The following GPRC5B variants were observed in gnomAD, a reference collection of about 807,000 sequenced individuals.
GPRC5B encodes the protein G protein-coupled receptor family C group 5 member B.
GPRC5B carries 16 observed loss-of-function variants against 30.1 expected under a neutral mutation model. The ratio of observed to expected loss-of-function variants is 0.53; its 90% confidence interval spans 0.36 to 0.81. The LOEUF is 0.81. Among genes scored for constraint, GPRC5B ranks in the 30% least tolerant of loss-of-function variants. The pLI is 0.01. For missense variants in GPRC5B, 428 were observed against 544.7 expected (o/e 0.79, Z 2.13); for synonymous variants, 241 against 239.5 (o/e 1.01, Z -0.06).
At chr16:19,880,410 A>C (rs1490364343) in intron 1 of GPRC5B, among the ~76,000 whole-genome samples, 1 of 127,258 alleles carries the variant, frequency 7.9e-6, no homozygotes, top group African/African-American at 2.7e-5. Flanking sequence ...GCAACATAGC[A>C]AGACTCTGTC....
upstream of GPRC5B, chr16:19,885,360 C>T: frequency 8.3e-7 from 1 of 1,197,978 alleles, no homozygotes. The surrounding 1 kb of genome is among the most constrained non-coding windows in gnomAD (Gnocchi z 5.3). Context: ...CTCTCGAAGT[C>T]ACCAACGCCC....
chr16:19,885,420 T>G (rs2056842619), upstream of GPRC5B: 3 of 1,157,402 alleles, frequency 2.6e-6, no homozygotes, highest in Non-Finnish European at 3.3e-6. The surrounding 1 kb of genome is among the most constrained non-coding windows in gnomAD (Gnocchi z 5.3). Flanking sequence ...CCAGGCAGGT[T>G]CCTCCTGGAC....
rs773766558 is a variant in GPRC5B at position 19,861,890 on chromosome 16, T to C, written c.1114A>G (p.Arg372Gly). ...SLGKRPSAPF[R>G]SNVYQPTEMA... ...TCAGTTGGCTGATACACGTTGCTTC[T>C]AAACGGAGCGCTGGGTCTTTTCCCC... Residue 372 changes from arginine to glycine, a missense_variant, in exon 3 of 4, where the codon AGA (arginine) becomes GGA (glycine). Arg to Gly is a moderately radical substitution (Grantham distance 125, BLOSUM62 -2). Transcript: ENST00000300571. 1.2e-4 allele frequency: 186 copies of C among 1,613,236 alleles called. No individual in the cohort carries two copies. The highest frequency in any genetic ancestry group is 1.6e-4 in the Non-Finnish European group (184 of 1,179,480).
At chr16:19,862,165 C>T (rs1010938039) in intron 2 of GPRC5B, 192 bp from the exon 3 acceptor site, 13 of 572,594 alleles carry the variant, frequency 2.3e-5, no homozygotes, top group Non-Finnish European at 3.7e-5. Context: ...AGGAGCCTGA[C>T]CCATCTCAGT....
At chr16:19,885,512 G>A (rs112523676), upstream of GPRC5B, 9 of 1,125,258 alleles carry the variant, frequency 8.0e-6, no homozygotes, top group African/African-American at 1.2e-4. The surrounding 1 kb of genome is among the most constrained non-coding windows in gnomAD (Gnocchi z 5.3). Flanking sequence ...CGCTTCCTTG[G>A]CCCCTCGAAA....
intron 1 of GPRC5B, among the ~76,000 whole-genome samples, chr16:19,875,928 C>A (rs1416104972): frequency 6.6e-6 from 1 of 152,196 alleles, no homozygotes; most frequent in East Asian, 1.9e-4. Context: ...CACGAGGGAT[C>A]AAAATTTAAG....
rs780310222 is a variant in GPRC5B, at chr16:19,872,294, G to A, written c.552C>T (p.Thr184=). Residue 184 remains threonine (T), a synonymous_variant, in exon 2 of 4, where the codon ACC becomes ACT. Coordinates refer to ENST00000300571, the MANE Select transcript of GPRC5B (RefSeq NM_016235.3). The surrounding 1 kb of genome is among the most constrained non-coding windows in gnomAD (Gnocchi z 5.0). ...AGGCTGGCCTTGTGTCACGCAGCACGGTGAGCACCAGCCACTCCACAGCGA... is the reference window on the plus strand; with the variant it reads ...AGGCTGGCCTTGTGTCACGCAGCACAGTGAGCACCAGCCACTCCACAGCGA... ...VIIAVEWLVL[T]VLRDTRPACA... 3.2e-5 allele frequency: 52 copies of A among 1,613,836 alleles called. No individual in the cohort carries two copies. The highest frequency in any genetic ancestry group is 2.7e-4 in the Admixed American group (16 of 60,016).
chr16:19,882,856 A>G (rs987485914), intron 1 of GPRC5B, among the ~76,000 whole-genome samples: 1 of 151,888 alleles, frequency 6.6e-6, no homozygotes, highest in Non-Finnish European at 1.5e-5. Flanking sequence ...GCCTTTGTTC[A>G]GTTCCTCTAA....
chr16:19,881,250 G>A (rs2056805052), intron 1 of GPRC5B, among the ~76,000 whole-genome samples: 1 of 152,162 alleles, frequency 6.6e-6, no homozygotes, highest in Non-Finnish European at 1.5e-5. Context: ...TGATAGCGCT[G>A]CCTTACAAGG....
rs1033823806 is a variant in GPRC5B, at chr16:19,880,165, T to TAATAA, written c.-2+4557_-2+4561dup. Among the ~76,000 whole-genome samples, 12 of 150,590 alleles carry TAATAA rather than the reference T, an allele frequency of 8.0e-5. No individual in the cohort carries two copies. In the East Asian group the frequency reaches 9.7e-4, roughly 12 times the overall value. ...AATAATAATAAAATAAAATAAATAA[T>TAATAA]AATAAAATAAAATAAAATAAAAAAG... On this transcript the variant is annotated intron_variant, in intron 1 of 3. Transcript: ENST00000300571.
In GPRC5B at chr16:19,860,243, C is replaced by A. The variant is rs865949308; in HGVS notation, c.*257G>T. 2.2e-6 allele frequency: 1 copy of A among 462,810 alleles called. No individual in the cohort carries two copies. Among genetic ancestry groups the A allele is most frequent in the Non-Finnish European group, 3.9e-6 (1 of 256,020 alleles). The allele number at this position is 462,810 out of a possible 1,614,324, so 28.7% of individuals were successfully genotyped here. ...CTAATACTATTTGCAATTAGCTTTG[C>A]TTTAGTTTGCGGGGATTGAGGTTGG... On this transcript the variant is annotated 3_prime_UTR_variant, in exon 4 of 4. Coordinates refer to ENST00000300571, the MANE Select transcript of GPRC5B (RefSeq NM_016235.3).
At chr16:19,880,200 C>T (rs553121272) in intron 1 of GPRC5B, among the ~76,000 whole-genome samples, 5 of 151,144 alleles carry the variant, frequency 3.3e-5, no homozygotes, top group South Asian at 2.1e-4. Flanking sequence ...GATTGGCAAA[C>T]GCTCCCTTGT....
chr16:19,861,310 A>G lies in GPRC5B; in HGVS notation c.1167+527T>C, dbSNP rs938986570. Among the ~76,000 whole-genome samples, 3 of 152,200 alleles carry G rather than the reference A, an allele frequency of 2.0e-5. No individual in the cohort carries two copies. In the East Asian group the frequency reaches 5.8e-4, roughly 29 times the overall value. On this transcript the variant is annotated intron_variant, in intron 3 of 3. Transcript: ENST00000300571. Reference sequence around the variant, plus strand: ...AAGGAGGCAAACGTAAACAATGACAATTCTGCTGAAGGTCTGTTTGGCATC... The same window carrying G: ...AAGGAGGCAAACGTAAACAATGACAGTTCTGCTGAAGGTCTGTTTGGCATC...
chr16:19,883,733 G>T (rs2056826357), intron 1 of GPRC5B, among the ~76,000 whole-genome samples: 1 of 152,260 alleles, frequency 6.6e-6, no homozygotes, highest in South Asian at 2.1e-4. Flanking sequence ...CCAAGGAGCC[G>T]CCCCCTTAGC....
At position 19,858,795 on chromosome 16, in the gene GPRC5B, G is replaced by C. The variant is rs573421329; in HGVS notation, c.*1705C>G. The C allele has an allele frequency of 3.6e-4, 135 of 379,400 alleles. No homozygotes were observed. Among genetic ancestry groups the C allele is most frequent in the Non-Finnish European group, 5.9e-4 (126 of 214,458 alleles). 23.5% of individuals were successfully genotyped at this position (379,400 alleles called of 1,614,324 possible). ...CGGGGTGCTTCCGGGGAGGTCAGGT[G>C]GGGGTGGCATTCTGGGGCCATGCGT... On this transcript the variant is annotated 3_prime_UTR_variant, in exon 4 of 4. Coordinates refer to ENST00000300571, the MANE Select transcript of GPRC5B (RefSeq NM_016235.3).
At chr16:19,884,519 C>T (rs2056835849) in intron 1 of GPRC5B, among the ~76,000 whole-genome samples, 3 of 149,700 alleles carry the variant, frequency 2.0e-5, no homozygotes, top group African/African-American at 7.4e-5. Context: ...CTCCCCCGCC[C>T]ACCCCTCTAC....
chr16:19,873,542 T>C (rs970688853), intron 1 of GPRC5B, among the ~76,000 whole-genome samples: 3 of 151,060 alleles, frequency 2.0e-5, no homozygotes, highest in South Asian at 2.1e-4. Flanking sequence ...ACAGGCCAAG[T>C]GCTGCACTGG....
chr16:19,872,989 G>A lies in GPRC5B; in HGVS notation c.-1-143C>T, dbSNP rs1173682135. 5 of 636,460 alleles carry A rather than the reference G, an allele frequency of 7.9e-6. No homozygotes were observed. The highest frequency in any genetic ancestry group is 2.7e-5 in the East Asian group (1 of 36,788). 39.4% of individuals were successfully genotyped at this position (636,460 alleles called of 1,614,324 possible). A position where few individuals can be genotyped will look rare whatever the true frequency, so the allele number is the denominator to read the frequency against. On this transcript the variant is annotated intron_variant, in intron 1 of 3. Coordinates refer to ENST00000300571, the MANE Select transcript of GPRC5B (RefSeq NM_016235.3). This position sits in a 1 kb window ranked among gnomAD's most constrained non-coding sequence, Gnocchi z 5.0. ...GGCACCTTTGCACACATAGGAAAACGTGCTCCTTTCCTCAGGCACGGAGGT... is the reference window on the plus strand; with the variant it reads ...GGCACCTTTGCACACATAGGAAAACATGCTCCTTTCCTCAGGCACGGAGGT...
intron 1 of GPRC5B, chr16:19,882,139 T>G (rs1027969074): frequency 1.3e-5 from 2 of 152,262 alleles, no homozygotes; most frequent in African/African-American, 4.8e-5. Flanking sequence ...CACCCTCTGA[T>G]ATCTTTTCCG....
Sources: gnomAD v4.1 joint callset for allele counts (sites outside exome capture counted in the v4.1 genomes callset) on GRCh38, gnomAD v4.1.1 for gene constraint, Gnocchi (gnomAD v3.1) non-coding constraint, MANE v1.5 for transcripts, NCBI Gene and HGNC (gene_info 2026-07-23, HGNC 2026-07-21) for gene names.